The following OSBPL10 variants were observed in gnomAD, a reference collection of about 807,000 sequenced individuals.
OSBPL10 encodes oxysterol binding protein like 10.
A neutral mutation model predicts 81.7 loss-of-function variants in OSBPL10; 49 were observed. The observed-to-expected ratio is 0.60, with a 90% CI of 0.48 to 0.76. The LOEUF (loss-of-function observed/expected upper bound fraction) is 0.76, where lower values mean the gene tolerates loss of function less well. OSBPL10 is among the 30% of genes least tolerant of loss of function. The pLI is 0.00. For synonymous variants in OSBPL10, 419 were observed against 383.6 expected, an observed-to-expected ratio of 1.09 and a Z score of -1.08; for missense variants, 923 against 987.8, an observed-to-expected ratio of 0.93 and a Z score of 0.88.
intron 1 of OSBPL10, among the ~76,000 whole-genome samples, chr3:32,076,097 C>T (rs1699873214): frequency 6.6e-6 from 1 of 152,238 alleles, no homozygotes; most frequent in Admixed American, 6.5e-5. Context: ...TGGCCAGGCG[C>T]GGTGGCTCAC....
chr3:32,003,555 A>C (rs985578006), intron 2 of OSBPL10, among the ~76,000 whole-genome samples: 1 of 152,220 alleles, frequency 6.6e-6, no homozygotes, highest in East Asian at 1.9e-4. Context: ...ATGAAGAAAC[A>C]GGGTGTTTCT....
intron 10 of OSBPL10, 111 bp downstream of exon 10, chr3:31,668,531 T>G (rs1272746663): frequency 9.9e-7 from 1 of 1,013,332 alleles, no homozygotes; most frequent in African/African-American, 1.6e-5. Context: ...TAGAACATGA[T>G]TCCTGGCCTG....
chr3:31,919,768 T>C (rs1484696242), intron 1 of OSBPL10, among the ~76,000 whole-genome samples: 1 of 152,218 alleles, frequency 6.6e-6, no homozygotes, highest in Non-Finnish European at 1.5e-5. Flanking sequence ...TAGCAATCAC[T>C]ATCCTGGGCT....
At chr3:32,054,462 T>A (rs1188749932) in intron 1 of OSBPL10, among the ~76,000 whole-genome samples, 3 of 151,900 alleles carry the variant, frequency 2.0e-5, no homozygotes, top group African/African-American at 7.2e-5. Context: ...TTATTAATAG[T>A]TATATTATTA....
rs953904858 is a variant in OSBPL10 at position 32,052,754 on chromosome 3, G to A, written n.186-6151C>T. ...CACTTACAAGTGGGAGTTGAACAAT[G>A]AGATCACATGGATGCAGGGAGGGGA... On this transcript the variant is annotated intron_variant and non_coding_transcript_variant, in intron 1 of 3. Coordinates refer to the OSBPL10 transcript ENST00000479173. Among the ~76,000 whole-genome samples, 7 of 152,214 alleles carry A rather than the reference G, an allele frequency of 4.6e-5. No homozygotes were observed. The South Asian group carries it at 1.5e-3, about 32-fold the overall frequency.
intron 1 of OSBPL10, among the ~76,000 whole-genome samples, chr3:32,059,558 T>C (rs2125440886): frequency 6.6e-6 from 1 of 151,846 alleles, no homozygotes; most frequent in East Asian, 1.9e-4. Flanking sequence ...ACCACTGCAC[T>C]CCAGCCTGGG....
Position 31,662,376 on chromosome 3 carries a change from A to G in OSBPL10, c.2251-260T>C, listed in dbSNP as rs564382684. ...AGGGGAGCTTGGTTGGCTTCCATCG[A>G]GACTGATTACTTGGCCAAAAAAAAG... is the stretch of plus-strand genomic sequence containing the variant. On this transcript the variant is annotated intron_variant, in intron 11 of 11. Transcript: ENST00000396556. The G allele has an allele frequency of 1.4e-4, 174 of 1,216,836 alleles. 2 individuals carry two copies. The South Asian group carries it at 3.7e-3, about 26-fold the overall frequency. The allele number at this position is 1,216,836 out of a possible 1,614,324, so 75.4% of individuals were successfully genotyped here.
At chr3:31,962,840 CA>C (rs1461394341) in intron 1 of OSBPL10, among the ~76,000 whole-genome samples, 2 of 152,216 alleles carry the variant, frequency 1.3e-5, no homozygotes, top group Non-Finnish European at 2.9e-5. Flanking sequence ...TGATAGCATT[CA>C]CTAAACAAAT....
chr3:31,781,419 C>T (rs1575540160), intron 4 of OSBPL10, among the ~76,000 whole-genome samples: 1 of 152,188 alleles, frequency 6.6e-6, no homozygotes. Context: ...AGGATGCCCA[C>T]TTTCACCACT....
intron 4 of OSBPL10, among the ~76,000 whole-genome samples, chr3:31,771,131 G>A (rs536733011): frequency 1.3e-5 from 2 of 152,334 alleles, no homozygotes; most frequent in Non-Finnish European, 2.9e-5. Context: ...CACAGCAAGT[G>A]TTACGTAAGT....
intron 4 of OSBPL10, among the ~76,000 whole-genome samples, chr3:31,785,647 T>C (rs1054598253): frequency 6.6e-6 from 1 of 152,056 alleles, no homozygotes; most frequent in African/African-American, 2.4e-5. Context: ...TTTTTTTTTC[T>C]TTTCATTCTA....
At chr3:31,915,859 C>T (rs923160564) in intron 1 of OSBPL10, among the ~76,000 whole-genome samples, 1 of 151,992 alleles carries the variant, frequency 6.6e-6, no homozygotes, top group African/African-American at 2.4e-5. Context: ...TTTGGGAGGA[C>T]GAGGTGGGCA....
chr3:31,698,378 G>A (rs954947985), intron 7 of OSBPL10, among the ~76,000 whole-genome samples: 3 of 152,094 alleles, frequency 2.0e-5, no homozygotes, highest in Non-Finnish European at 4.4e-5. Context: ...TTGAACCCAG[G>A]AGGTGGAGGT....
intron 1 of OSBPL10, among the ~76,000 whole-genome samples, chr3:32,059,506 G>C (rs558119472): frequency 3.3e-5 from 5 of 151,786 alleles, no homozygotes; most frequent in African/African-American, 1.2e-4. Context: ...CAGGAGAATC[G>C]CTTGAACCCG....
intron 6 of OSBPL10, among the ~76,000 whole-genome samples, chr3:31,722,908 T>C (rs1211206726): frequency 6.6e-6 from 1 of 151,964 alleles, no homozygotes; most frequent in African/African-American, 2.4e-5. Flanking sequence ...ACATTTCTTA[T>C]ATTTTTTTTA....
chr3:31,782,794 T>C (rs949059052), intron 4 of OSBPL10, among the ~76,000 whole-genome samples: 1 of 152,120 alleles, frequency 6.6e-6, no homozygotes, highest in Non-Finnish European at 1.5e-5. Context: ...ATAACAGATG[T>C]TGGCATGGAT....
chr3:31,820,966 A>T (rs1699970001), intron 4 of OSBPL10, among the ~76,000 whole-genome samples: 1 of 152,194 alleles, frequency 6.6e-6, no homozygotes, highest in South Asian at 2.1e-4. Flanking sequence ...GGTTAAACCA[A>T]AAACACCTTT....
rs115888796 is a variant in OSBPL10, at chr3:31,828,828, C to T, written c.729+1212G>A. 4.0e-3 allele frequency among the ~76,000 whole-genome samples: 615 copies of T among 152,314 alleles called. 3 individuals carry two copies. Among genetic ancestry groups the T allele is most frequent in the African/African-American group, 0.014 (585 of 41,578 alleles). ...GATTACAGGCATGGGCCACCAGGCC[C>T]GGCCCAGTTTTTCCTTTTTAACACA... On this transcript the variant is annotated intron_variant, in intron 4 of 11. Coordinates refer to ENST00000396556, the MANE Select transcript of OSBPL10 (RefSeq NM_017784.5).
At chr3:31,788,146 A>C (rs1698907092) in intron 4 of OSBPL10, among the ~76,000 whole-genome samples, 1 of 152,218 alleles carries the variant, frequency 6.6e-6, no homozygotes, top group Non-Finnish European at 1.5e-5. Context: ...CTGTCTAGAG[A>C]TAAGCCTGTA....
Sources: gnomAD v4.1 joint callset for allele counts (sites outside exome capture counted in the v4.1 genomes callset) on GRCh38, gnomAD v4.1.1 for gene constraint, MANE v1.5 for transcripts, NCBI Gene and HGNC (gene_info 2026-07-23, HGNC 2026-07-21) for gene names.